DPP6: variants seen among roughly 807,000 people sequenced by gnomAD.
DPP6 encodes the protein A-type potassium channel modulatory protein DPP6.
DPP6 carries 69 observed loss-of-function variants against 122.6 expected under a neutral mutation model. That is an observed-to-expected ratio of 0.56 (90% CI 0.46 to 0.69). The LOEUF (loss-of-function observed/expected upper bound fraction) is 0.69, where lower values mean the gene tolerates loss of function less well. Ranked by LOEUF, DPP6 falls within the 30% of genes least tolerant of loss-of-function variation. The pLI is 0.00. For synonymous variants in DPP6, 418 were observed against 433.1 expected, an observed-to-expected ratio of 0.97 and a Z score of 0.43; for missense variants, 928 against 1,116.9, an observed-to-expected ratio of 0.83 and a Z score of 2.41.
At chr7:154,591,259 A>G (rs1243396300) in intron 5 of DPP6, among the ~76,000 whole-genome samples, 1 of 152,202 alleles carries the variant, frequency 6.6e-6, no homozygotes, top group African/African-American at 2.4e-5. Context: ...GAGTTCTTCA[A>G]TTGCAGGCTT....
chr7:154,880,949 C>G lies in DPP6; in HGVS notation c.2133+7C>G. On this transcript the variant is annotated splice_region_variant and intron_variant, in intron 21 of 25. Transcript: ENST00000377770. ...CGTGGCCGTGTTTGGGAAGGTGAGT[C>G]TGCGCCACCCTGGTCTGAAAACCCC... 1 of 1,613,876 alleles carries G rather than the reference C, an allele frequency of 6.2e-7. No homozygotes were observed. Among genetic ancestry groups the G allele is most frequent in the Non-Finnish European group, 8.5e-7 (1 of 1,179,816 alleles).
chr7:154,707,590 TTGA>T (rs1840908016), intron 7 of DPP6, among the ~76,000 whole-genome samples: 1 of 152,174 alleles, frequency 6.6e-6, no homozygotes, highest in Non-Finnish European at 1.5e-5. Context: ...GTTTGTGGTG[TTGA>T]TGATGATGAT....
intron 4 of DPP6, among the ~76,000 whole-genome samples, chr7:154,550,183 A>G (rs537681980): frequency 6.6e-6 from 1 of 152,290 alleles, no homozygotes; most frequent in South Asian, 2.1e-4. Context: ...GAGATATTGG[A>G]CAAAGTTAGT....
At chr7:154,274,165 A>G (rs562372291) in intron 1 of DPP6, among the ~76,000 whole-genome samples, 1 of 152,224 alleles carries the variant, frequency 6.6e-6, no homozygotes, top group African/African-American at 2.4e-5. Context: ...GTGTTAATTC[A>G]TCTCCAGTGA....
rs547679473 is a variant in DPP6 at position 154,464,156 on chromosome 7, G to A, written c.359-10783G>A. On this transcript the variant is annotated intron_variant, in intron 2 of 25. Coordinates refer to ENST00000377770, the MANE Select transcript of DPP6 (RefSeq NM_130797.4). ...CCCACTGCTGGGATATGCAGTTCCCGAATGGCTAGGGCTGGTCTCAGTGCT... is the reference window on the plus strand; with the variant it reads ...CCCACTGCTGGGATATGCAGTTCCCAAATGGCTAGGGCTGGTCTCAGTGCT... Among the ~76,000 whole-genome samples, 15 of 152,312 alleles carry A rather than the reference G, an allele frequency of 9.8e-5. No homozygotes were observed. In the East Asian group the frequency reaches 1.7e-3, roughly 18 times the overall value.
intron 1 of DPP6, among the ~76,000 whole-genome samples, chr7:154,246,767 G>A (rs898433011): frequency 1.6e-4 from 25 of 152,014 alleles, no homozygotes; most frequent in Non-Finnish European, 3.2e-4. Flanking sequence ...AAAGTAGGAA[G>A]GCCTAGATGA....
Position 154,892,579 on chromosome 7 carries a change from G to T in DPP6, c.*99G>T. On this transcript the variant is annotated 3_prime_UTR_variant, in exon 26 of 26. Coordinates refer to ENST00000377770, the MANE Select transcript of DPP6 (RefSeq NM_130797.4). ...TCTTCCCTCGGAGGGGCGGGGCGGG[G>T]CGGGGCCGGGTGTTCCATAGCATGT... 6.4e-7 allele frequency: 1 copy of T among 1,559,226 alleles called. No individual in the cohort carries two copies.
chr7:154,297,531 C>T (rs913300130), intron 1 of DPP6, among the ~76,000 whole-genome samples: 3 of 152,198 alleles, frequency 2.0e-5, no homozygotes. Flanking sequence ...GCTCTCTCTT[C>T]AGGACACTCT....
At chr7:154,643,560 C>G (rs1329106465) in intron 6 of DPP6, among the ~76,000 whole-genome samples, 1 of 151,664 alleles carries the variant, frequency 6.6e-6, no homozygotes, top group Middle Eastern at 3.2e-3. Flanking sequence ...CCTCCGCCCC[C>G]CAGGTTCAAG....
intron 1 of DPP6, among the ~76,000 whole-genome samples, chr7:154,252,213 CGTGTGTGTGT>C (rs141850746): frequency 6.6e-6 from 1 of 150,476 alleles, no homozygotes; most frequent in Non-Finnish European, 1.5e-5. Flanking sequence ...CACAATGTCA[CGTGTGTGTGT>C]GTGTGTGTGT....
At chr7:153,958,320 C>A (rs533808887) in intron 1 of DPP6, among the ~76,000 whole-genome samples, 8 of 152,108 alleles carry the variant, frequency 5.3e-5, no homozygotes, top group Non-Finnish European at 1.2e-4. Context: ...CAGTATTTTT[C>A]CAATGTTGTC....
At chr7:154,661,638 G>C (rs1326891858) in intron 6 of DPP6, among the ~76,000 whole-genome samples, 5 of 149,088 alleles carry the variant, frequency 3.4e-5, no homozygotes, top group Admixed American at 6.6e-5. Context: ...ATTGGCCGTA[G>C]TATTCATATA....
At chr7:154,477,228 G>A (rs958645108) in intron 3 of DPP6, among the ~76,000 whole-genome samples, 1 of 152,012 alleles carries the variant, frequency 6.6e-6, no homozygotes, top group Non-Finnish European at 1.5e-5. Context: ...ATACATGGGA[G>A]TCACACCACC....
At chr7:153,808,242 T>C in the DPP6 span, among the ~76,000 whole-genome samples, 2 of 151,654 alleles carry the variant, frequency 1.3e-5, 1 homozygote, top group South Asian at 4.2e-4. Context: ...AGTGTGCGTG[T>C]GTGCACGTGC....
intron 1 of DPP6, among the ~76,000 whole-genome samples, chr7:154,346,398 C>T (rs1176144547): frequency 6.6e-6 from 1 of 152,112 alleles, no homozygotes; most frequent in Admixed American, 6.5e-5. Context: ...CCTCCACCTC[C>T]CAGGTTCAAG....
rs531428760 is a variant in DPP6 at position 154,619,742 on chromosome 7, A to G, written c.628-18079A>G. ...ATATGTGTAGATATACAACCACATT[A>G]TACGTTATACTTAGAAGTGCGGGTT... On this transcript the variant is annotated intron_variant, in intron 5 of 25. Transcript: ENST00000377770. Among the ~76,000 whole-genome samples the G allele has an allele frequency of 1.3e-4, 20 of 152,264 alleles. No individual in the cohort carries two copies. The South Asian group carries it at 4.2e-3, about 32-fold the overall frequency.
chr7:154,611,632 C>T (rs1453444744), intron 5 of DPP6, among the ~76,000 whole-genome samples: 1 of 152,032 alleles, frequency 6.6e-6, no homozygotes, highest in African/African-American at 2.4e-5. Context: ...ATAGTGCTAA[C>T]ACTTTATCTC....
chr7:154,045,989 A>G (rs1367234200), intron 1 of DPP6, among the ~76,000 whole-genome samples: 1 of 152,026 alleles, frequency 6.6e-6, no homozygotes, highest in Non-Finnish European at 1.5e-5. Flanking sequence ...TTAATGACAC[A>G]AGCATGCTGT....
At chr7:154,868,268 C>T (rs1288212099) in intron 18 of DPP6, among the ~76,000 whole-genome samples, 175 bp downstream of exon 18, 3 of 152,178 alleles carry the variant, frequency 2.0e-5, no homozygotes, top group Non-Finnish European at 4.4e-5. Context: ...CCAAGATGCT[C>T]ACTCTGGTGA....
Sources: allele counts gnomAD v4.1 joint callset (sites outside exome capture counted in the v4.1 genomes callset), GRCh38; gene constraint gnomAD v4.1.1; transcripts MANE v1.5; gene names NCBI Gene and HGNC (gene_info 2026-07-23, HGNC 2026-07-21).